The following IL1RAPL2 variants were observed in gnomAD, a reference collection of about 807,000 sequenced individuals.
IL1RAPL2 encodes X-linked interleukin-1 receptor accessory protein-like 2.
A neutral mutation model predicts 44.1 loss-of-function variants in IL1RAPL2; 3 were observed. The ratio of observed to expected loss-of-function variants is 0.07; its 90% CI spans 0.03 to 0.18. The LOEUF (loss-of-function observed/expected upper bound fraction) is 0.18, where lower values mean the gene tolerates loss of function less well. IL1RAPL2 is among the 10% of genes least tolerant of loss of function. The pLI is 1.00. For missense variants in IL1RAPL2, 391 were observed against 496.4 expected (o/e 0.79, Z 2.02); for synonymous variants, 181 against 178.8 (o/e 1.01, Z -0.10).
intron 8 of IL1RAPL2, among the ~76,000 whole-genome samples, chrX:105,747,484 G>C (rs1371035356): frequency 6.5e-5 from 4 of 61,984 alleles, no homozygotes; most frequent in Non-Finnish European, 8.3e-5. Context: ...CTCTCTCTGT[G>C]TGTGTGTATG....
chrX:105,198,997 T>C (rs1556143532), intron 3 of IL1RAPL2, among the ~76,000 whole-genome samples: 1 of 111,657 alleles, frequency 9.0e-6, no homozygotes, highest in Non-Finnish European at 1.9e-5. Flanking sequence ...AGTTACTTTT[T>C]TTTTCTTCCT....
intron 6 of IL1RAPL2, among the ~76,000 whole-genome samples, chrX:105,537,579 T>C (rs1230116376): frequency 1.8e-5 from 2 of 112,008 alleles, no homozygotes; most frequent in Non-Finnish European, 3.8e-5. Context: ...TGTTTAGAAG[T>C]ATGAACATTC....
intron 5 of IL1RAPL2, among the ~76,000 whole-genome samples, chrX:105,440,787 CAT>C (rs2035914858): frequency 8.9e-6 from 1 of 112,049 alleles, no homozygotes; most frequent in Non-Finnish European, 1.9e-5. Context: ...ATAATTCCCA[CAT>C]GTCAAGGGTG....
Position 104,848,428 on chromosome X carries a change from T to G in IL1RAPL2, c.82+189433T>G, listed in dbSNP as rs1602757288. Reference sequence around the variant, plus strand: ...TTATCTGTATATATATATATATATATATATATATATATATATATATATAAC... The same window carrying G: ...TTATCTGTATATATATATATATATAGATATATATATATATATATATATAAC... On this transcript the variant is annotated intron_variant, in intron 2 of 10. Coordinates refer to ENST00000372582, the MANE Select transcript of IL1RAPL2 (RefSeq NM_017416.2). Among the ~76,000 whole-genome samples, 3 of 94,410 alleles carry G rather than the reference T, an allele frequency of 3.2e-5. No homozygotes were observed. The South Asian group carries it at 1.5e-3, about 48-fold the overall frequency. The allele number at this position is 94,410 out of a possible 115,157, so 82.0% of individuals were successfully genotyped here.
chrX:104,726,023 A>G (rs1420969578), intron 2 of IL1RAPL2, among the ~76,000 whole-genome samples: 1 of 111,834 alleles, frequency 8.9e-6, no homozygotes, highest in East Asian at 2.8e-4. Context: ...TTTAGGTCTT[A>G]GGTTTAAGTC....
chrX:104,915,750 G>T (rs956908235), intron 2 of IL1RAPL2, among the ~76,000 whole-genome samples: 1 of 111,720 alleles, frequency 9.0e-6, no homozygotes, highest in African/African-American at 3.3e-5. Context: ...TTTGTATAAG[G>T]TGTAAGGAAG....
chrX:105,637,801 CTGAT>C (rs2037535202), intron 6 of IL1RAPL2, among the ~76,000 whole-genome samples: 1 of 109,659 alleles, frequency 9.1e-6, no homozygotes, highest in South Asian at 3.9e-4. Flanking sequence ...AGCTGGAAGA[CTGAT>C]TGTAGGTCAG....
chrX:105,729,268 A>G (rs1280862797), intron 7 of IL1RAPL2, among the ~76,000 whole-genome samples: 3 of 111,534 alleles, frequency 2.7e-5, no homozygotes, highest in African/African-American at 9.7e-5. Flanking sequence ...TTTTTAAGTA[A>G]CTGCCAAAAT....
intron 2 of IL1RAPL2, among the ~76,000 whole-genome samples, chrX:105,009,902 T>C (rs2031019550): frequency 9.0e-6 from 1 of 110,940 alleles, no homozygotes; most frequent in African/African-American, 3.3e-5. Flanking sequence ...CTCTACCTAC[T>C]ACCTTAAAGA....
chrX:104,914,636 T>C (rs1190771298), intron 2 of IL1RAPL2, among the ~76,000 whole-genome samples: 6 of 110,919 alleles, frequency 5.4e-5, no homozygotes, highest in Non-Finnish European at 5.7e-5. Context: ...TACATATGTA[T>C]ACATGTGCCA....
chrX:104,880,228 G>A (rs1001172087), intron 2 of IL1RAPL2, among the ~76,000 whole-genome samples: 3 of 111,151 alleles, frequency 2.7e-5, no homozygotes, highest in Non-Finnish European at 5.7e-5. Flanking sequence ...GGGACATATG[G>A]CCTTAGCAGA....
chrX:105,429,819 C>T (rs1031196149), intron 5 of IL1RAPL2, among the ~76,000 whole-genome samples: 2 of 111,280 alleles, frequency 1.8e-5, no homozygotes, highest in African/African-American at 6.5e-5. Context: ...TGAGTTTAAC[C>T]CGTGGGCTAT....
intron 2 of IL1RAPL2, among the ~76,000 whole-genome samples, chrX:104,752,276 TGA>T (rs1932271366): frequency 9.5e-6 from 1 of 105,404 alleles, no homozygotes; most frequent in African/African-American, 3.7e-5. Context: ...AATGTTGGCG[TGA>T]GAGTGTGTGT....
At chrX:105,049,260 T>A (rs933600560) in intron 2 of IL1RAPL2, among the ~76,000 whole-genome samples, 3 of 110,732 alleles carry the variant, frequency 2.7e-5, no homozygotes, top group Non-Finnish European at 5.7e-5. Context: ...TTTCTGAAAA[T>A]GCTGACATAT....
chrX:105,523,319 G>C (rs181567544), intron 6 of IL1RAPL2, among the ~76,000 whole-genome samples: 9 of 111,246 alleles, frequency 8.1e-5, no homozygotes, highest in Admixed American at 3.8e-4. Flanking sequence ...TGTGACCTTG[G>C]ATCACATAAG....
chrX:105,377,408 G>A (rs972599156), intron 5 of IL1RAPL2, among the ~76,000 whole-genome samples: 1 of 107,632 alleles, frequency 9.3e-6, no homozygotes, highest in Non-Finnish European at 1.9e-5. Flanking sequence ...GTGTGTGTGT[G>A]AGAGAGAGAG....
intron 2 of IL1RAPL2, among the ~76,000 whole-genome samples, chrX:104,905,826 T>C (rs1173169818): frequency 9.0e-6 from 1 of 111,190 alleles, no homozygotes; most frequent in Non-Finnish European, 1.9e-5. Flanking sequence ...AGTAGTTTTT[T>C]CCAATTCTGT....
At chrX:105,417,514 C>G (rs1013337615) in intron 5 of IL1RAPL2, among the ~76,000 whole-genome samples, 8 of 112,570 alleles carry the variant, frequency 7.1e-5, no homozygotes, top group African/African-American at 2.6e-4. Flanking sequence ...ATTAGAAAAT[C>G]CTGAAAGAAA....
intron 6 of IL1RAPL2, among the ~76,000 whole-genome samples, chrX:105,627,344 A>T (rs979879857): frequency 8.9e-6 from 1 of 112,023 alleles, no homozygotes. Flanking sequence ...AAGTAGAATT[A>T]AAAAATACAG....
Sources: allele counts gnomAD v4.1 joint callset (sites outside exome capture counted in the v4.1 genomes callset), GRCh38; gene constraint gnomAD v4.1.1; transcripts MANE v1.5; gene names NCBI Gene and HGNC (gene_info 2026-07-23, HGNC 2026-07-21).